Variants in KRT7 observed in about 807,000 individuals in gnomAD.
KRT7 encodes keratin 7, also known as keratin, type II cytoskeletal 7.
A neutral mutation model predicts 42.8 loss-of-function variants in KRT7; 50 were observed. The observed-to-expected ratio is 1.17, with a 90% CI of 0.93 to 1.48. KRT7 has a LOEUF of 1.48. Ranked by LOEUF, KRT7 falls within the 40% of genes most tolerant of loss-of-function variation. The pLI, the probability that KRT7 is intolerant of heterozygous loss-of-function variation, is 0.00. For missense variants in KRT7, 588 were observed against 637.6 expected (o/e 0.92, Z 0.84); for synonymous variants, 268 against 266.3 (o/e 1.01, Z -0.06).
chr12:52,236,160 T>G (rs1805995758), intron 2 of KRT7, among the ~76,000 whole-genome samples: 1 of 151,274 alleles, frequency 6.6e-6, no homozygotes, highest in Admixed American at 6.6e-5. Flanking sequence ...ACACATTGGC[T>G]CTGACTGGAG....
chr12:52,238,146 C>G (rs974876981), intron 3 of KRT7, among the ~76,000 whole-genome samples: 3 of 152,252 alleles, frequency 2.0e-5, no homozygotes, highest in Admixed American at 2.0e-4. Flanking sequence ...TGAGGCCTGT[C>G]CGTAGGAGTT....
chr12:52,247,818 T>C (rs1942197530), intron 7 of KRT7: 1 of 294,070 alleles, frequency 3.4e-6, no homozygotes, highest in Admixed American at 4.7e-5. Context: ...TCTACATAAA[T>C]AACACATACA....
intron 2 of KRT7, among the ~76,000 whole-genome samples, chr12:52,235,715 C>G (rs111344547): frequency 3.3e-5 from 5 of 152,108 alleles, no homozygotes; most frequent in African/African-American, 9.7e-5. Context: ...CTGGTATGAC[C>G]TTCACAGATT....
chr12:52,251,548 C>G (rs529613491), downstream of KRT7, among the ~76,000 whole-genome samples: 3 of 152,324 alleles, frequency 2.0e-5, no homozygotes, highest in Non-Finnish European at 4.4e-5. Context: ...CAAATCTGTA[C>G]AGCATGTGAC....
chr12:52,234,440 C>A (rs79939884), intron 1 of KRT7, among the ~76,000 whole-genome samples: 2,656 of 152,260 alleles, frequency 0.017, 87 homozygotes, highest in African/African-American at 0.061. Flanking sequence ...TCAGCTTAGA[C>A]GAAGTGTACT....
chr12:52,244,387 A>T (rs1318905491), intron 6 of KRT7: 1 of 985,522 alleles, frequency 1.0e-6, no homozygotes, highest in Admixed American at 6.1e-5. Context: ...ATCCAGGCCT[A>T]TAGCCAGGTG....
intron 5 of KRT7, 65 bp downstream of exon 5, chr12:52,241,701 T>A: frequency 7.0e-7 from 1 of 1,419,516 alleles, no homozygotes; most frequent in Non-Finnish European, 9.7e-7. Context: ...CCCTTACTCC[T>A]CAACTTGTCT....
intron 7 of KRT7, 73 bp downstream of exon 7, chr12:52,245,705 T>A: frequency 6.3e-7 from 1 of 1,581,280 alleles, no homozygotes; most frequent in Non-Finnish European, 8.6e-7. Context: ...TTCATCCATT[T>A]ACAAGCATTT....
At chr12:52,235,405 G>C (rs201084605) in intron 2 of KRT7, 39 bp downstream of exon 2, 1 of 1,538,128 alleles carries the variant, frequency 6.5e-7, no homozygotes, top group East Asian at 2.3e-5. Flanking sequence ...CCCCTGCCCC[G>C]GGCCAATGTG....
At position 52,241,493 on chromosome 12, in the gene KRT7, C is replaced by T. The variant is rs1942088938; in HGVS notation, c.715C>T (p.Gln239Ter). Residue 239 changes from glutamine (Q) to a stop codon, truncating the protein, a stop_gained, in exon 5 of 9, where the codon CAG becomes TAG. Transcript: ENST00000331817. LOFTEE classifies it high-confidence loss of function. ...NETELTELQS[Q>*]ISDTSVVLSM... ...ACAGGAGTTGACAGAGCTGCAGTCC[C>T]AGATCTCCGACACATCTGTGGTGCT... The T allele has an allele frequency of 1.9e-6, 3 of 1,612,928 alleles. No individual in the cohort carries two copies. The South Asian group carries it at 3.3e-5, about 18-fold the overall frequency.
chr12:52,254,343 G>A (rs758454633), downstream of KRT7: 21 of 859,140 alleles, frequency 2.4e-5, no homozygotes, highest in African/African-American at 6.8e-5. Context: ...TCTGATTTGC[G>A]CAGGTAGGCA....
chr12:52,245,305 TGCCAATGAA>T, intron 6 of KRT7, 98 bp from the exon 7 acceptor site: 2 of 1,048,122 alleles, frequency 1.9e-6, no homozygotes, highest in Non-Finnish European at 2.8e-6. Flanking sequence ...GAGTAGGTGG[TGCCAATGAA>T]GCCACCTTAA....
At chr12:52,240,623 C>T (rs961269920) in intron 4 of KRT7, among the ~76,000 whole-genome samples, 1 of 150,770 alleles carries the variant, frequency 6.6e-6, no homozygotes, top group African/African-American at 2.4e-5. Flanking sequence ...GAGCAAAACT[C>T]TGTCTCAAAA....
At chr12:52,244,800 A>C (rs1390534607) in intron 6 of KRT7, among the ~76,000 whole-genome samples, 1 of 152,076 alleles carries the variant, frequency 6.6e-6, no homozygotes, top group Non-Finnish European at 1.5e-5. Context: ...AGCATCCCTG[A>C]CCAAACCCGG....
Position 52,241,628 on chromosome 12 carries a change from C to T in KRT7, c.850C>T (p.Gln284Ter). The T allele has an allele frequency of 1.2e-6, 2 of 1,609,082 alleles. No individual in the cohort carries two copies. The highest frequency in any genetic ancestry group is 1.7e-6 in the Non-Finnish European group (2 of 1,177,142). The change falls in exon 5 of 9, where the codon CAG becomes TAG. Residue 284 changes from glutamine to a stop codon, truncating the protein, a stop_gained. Transcript: ENST00000331817. LOFTEE classifies it high-confidence loss of function. The stretch of plus-strand genomic sequence containing the variant: ...CCGGGCTGAGGCTGAAGCCTGGTAC[C>T]AGACCAAGGTGTGAGGCCACCAGGG... ...CSRAEAEAWY[Q>*]TKFETLQAQA... is the part of the protein sequence containing the mutation.
At chr12:52,245,691 G>T in intron 7 of KRT7, 59 bp downstream of exon 7, 1 of 1,599,972 alleles carries the variant, frequency 6.3e-7, no homozygotes, top group Non-Finnish European at 8.5e-7. Context: ...TTTGGGGCTT[G>T]ACATTCATCC....
chr12:52,255,385 C>T (rs1381268228), downstream of KRT7: 2 of 456,800 alleles, frequency 4.4e-6, no homozygotes, highest in South Asian at 3.1e-5. Flanking sequence ...TCAGCAGTGG[C>T]CCTTAGTGCC....
chr12:52,242,132 G>A (rs1592392799), intron 5 of KRT7, among the ~76,000 whole-genome samples: 2 of 152,014 alleles, frequency 1.3e-5, no homozygotes. Flanking sequence ...ACCATGCCTG[G>A]CTAATTTTTT....
intron 4 of KRT7, 111 bp from the exon 5 acceptor site, chr12:52,241,361 G>C: frequency 2.1e-6 from 2 of 958,958 alleles, no homozygotes; most frequent in Non-Finnish European, 3.1e-6. Context: ...TGGTGACTCA[G>C]CCCACTCCCA....
Sources: allele counts gnomAD v4.1 joint callset (sites outside exome capture counted in the v4.1 genomes callset), GRCh38; gene constraint gnomAD v4.1.1; transcripts MANE v1.5; gene names NCBI Gene and HGNC (gene_info 2026-07-23, HGNC 2026-07-21).